RBFOX1: variants seen among roughly 807,000 people sequenced by gnomAD.
RBFOX1 encodes the protein RNA binding protein fox-1 homolog 1.
A neutral mutation model predicts 57.7 loss-of-function variants in RBFOX1; 8 were observed. That is an observed-to-expected ratio of 0.14 (90% CI 0.08 to 0.25). The LOEUF (loss-of-function observed/expected upper bound fraction) is 0.25, where lower values mean the gene tolerates loss of function less well. Among genes scored for constraint, RBFOX1 ranks in the 10% least tolerant of loss-of-function variants. RBFOX1 has a pLI of 1.00. For synonymous variants in RBFOX1, 326 were observed against 222.4 expected (o/e 1.47, Z -4.15); for missense variants, 611 against 548.5 (o/e 1.11, Z -1.14).
intron 1 of RBFOX1, among the ~76,000 whole-genome samples, chr16:6,179,385 G>C (rs940310686): frequency 6.6e-6 from 1 of 152,124 alleles, no homozygotes; most frequent in African/African-American, 2.4e-5. Context: ...TTTAGAGCTA[G>C]GTTTATCTGT....
chr16:7,657,374 G>T (rs898923848), intron 12 of RBFOX1, among the ~76,000 whole-genome samples: 1 of 152,094 alleles, frequency 6.6e-6, no homozygotes, highest in Non-Finnish European at 1.5e-5. Context: ...GCACGATCTC[G>T]ACTCACTGCA....
At chr16:7,068,575 C>CTATTAT (rs1265087732) in intron 4 of RBFOX1, among the ~76,000 whole-genome samples, 3 of 151,840 alleles carry the variant, frequency 2.0e-5, no homozygotes, top group Non-Finnish European at 2.9e-5. Flanking sequence ...CTCTTTGATA[C>CTATTAT]TATTATTATT....
In RBFOX1 at chr16:6,853,756, G is replaced by A. The variant is rs537887020; in HGVS notation, c.-15-198301G>A. Among the ~76,000 whole-genome samples, 22 of 152,274 alleles carry A rather than the reference G, an allele frequency of 1.4e-4. 1 individual carries two copies. Among genetic ancestry groups the A allele is most frequent in the South Asian group, 4.1e-4 (2 of 4,820 alleles). ...ATTGGGATAATGCGCCTCACTGTGC[G>A]TGGAGAGGAGCTGCACTCTGACCTC... On this transcript the variant is annotated intron_variant, in intron 3 of 15. Transcript: ENST00000550418.
At chr16:6,632,173 T>C (rs535169566) in intron 2 of RBFOX1, among the ~76,000 whole-genome samples, 21 of 152,250 alleles carry the variant, frequency 1.4e-4, no homozygotes, top group Admixed American at 5.9e-4. Flanking sequence ...TTCCTCCTCC[T>C]TGAAGACACT....
At position 6,676,354 on chromosome 16, in the gene RBFOX1, G is replaced by A. The variant is rs114552826; in HGVS notation, c.-16+21704G>A. On this transcript the variant is annotated intron_variant, in intron 3 of 15. Coordinates refer to ENST00000550418, the MANE Select transcript of RBFOX1 (RefSeq NM_018723.4). ...AGTCAATTTTGGGGAGTCATGAGCT[G>A]TTTCGTTTTTACAATGGCAGCGCCT... 1.9e-3 allele frequency among the ~76,000 whole-genome samples: 296 copies of A among 152,154 alleles called. 1 individual carries two copies. Among genetic ancestry groups the A allele is most frequent in the African/African-American group, 6.7e-3 (277 of 41,532 alleles).
chr16:5,673,551 G>A (rs747715064), intron 3 of RBFOX1, among the ~76,000 whole-genome samples: 2 of 152,174 alleles, frequency 1.3e-5, no homozygotes. Context: ...GTGTCACTGA[G>A]GCCAGACCTG....
At chr16:6,599,481 GAC>G (rs1489222631) in intron 2 of RBFOX1, among the ~76,000 whole-genome samples, 1 of 152,072 alleles carries the variant, frequency 6.6e-6, no homozygotes, top group African/African-American at 2.4e-5. Flanking sequence ...AATACTAAGC[GAC>G]ACACCTAAAG....
chr16:7,391,188 G>A (rs1208922129), intron 4 of RBFOX1, among the ~76,000 whole-genome samples: 1 of 152,262 alleles, frequency 6.6e-6, no homozygotes, highest in South Asian at 2.1e-4. Flanking sequence ...CACGTGACTG[G>A]CCCCACCTCC....
At chr16:6,682,285 G>A (rs969295786) in intron 3 of RBFOX1, among the ~76,000 whole-genome samples, 4 of 152,112 alleles carry the variant, frequency 2.6e-5, no homozygotes, top group African/African-American at 7.2e-5. Flanking sequence ...GCCTCCTCTG[G>A]AGGGATTGAG....
intron 3 of RBFOX1, among the ~76,000 whole-genome samples, chr16:6,888,796 A>G (rs180873071): frequency 4.2e-4 from 64 of 152,238 alleles, no homozygotes; most frequent in African/African-American, 1.5e-3. Flanking sequence ...ATTTCACCCT[A>G]TTGTGTTACC....
At chr16:7,695,765 A>C (rs1267246578) in intron 14 of RBFOX1, among the ~76,000 whole-genome samples, 3 of 152,066 alleles carry the variant, frequency 2.0e-5, no homozygotes, top group African/African-American at 7.2e-5. Flanking sequence ...GGTGTATTGA[A>C]TCCTGCTATC....
chr16:6,947,467 T>C (rs1006262993), intron 3 of RBFOX1, among the ~76,000 whole-genome samples: 1 of 152,170 alleles, frequency 6.6e-6, no homozygotes. Context: ...GCTGAGAACA[T>C]ATGTTCTTGG....
chr16:5,659,269 A>C (rs180923325), intron 3 of RBFOX1, among the ~76,000 whole-genome samples: 131 of 148,388 alleles, frequency 8.8e-4, no homozygotes, highest in African/African-American at 3.0e-3. Flanking sequence ...CTGATGTTGG[A>C]CATTTTTCTT....
Position 6,253,609 on chromosome 16 carries a change from AGATG to A in RBFOX1, c.-126-63366_-126-63363del, listed in dbSNP as rs71145204. Among the ~76,000 whole-genome samples, 85 of 33,130 alleles carry A rather than the reference AGATG, an allele frequency of 2.6e-3. 1 individual carries two copies. The highest frequency in any genetic ancestry group is 0.015 in the South Asian group (13 of 874). The allele number at this position is 33,130 out of a possible 152,430, so 21.7% of individuals were successfully genotyped here. ...GTTGATGATAGATAGATAGATGGAT[AGATG>A]GATGGATGGATGGATGGATAGATAG... On this transcript the variant is annotated intron_variant, in intron 1 of 15. Coordinates refer to ENST00000550418, the MANE Select transcript of RBFOX1 (RefSeq NM_018723.4).
intron 2 of RBFOX1, among the ~76,000 whole-genome samples, chr16:6,386,640 G>T (rs138809034): frequency 6.1e-4 from 93 of 152,316 alleles, no homozygotes; most frequent in Non-Finnish European, 1.0e-3. Flanking sequence ...GTCCCAAAGA[G>T]AGAAAAGAAG....
chr16:5,865,047 G>T (rs1355518169), intron 3 of RBFOX1, among the ~76,000 whole-genome samples: 28 of 152,142 alleles, frequency 1.8e-4, no homozygotes, highest in Admixed American at 1.8e-3. Context: ...GAATAAGAGG[G>T]GCTTGATGAT....
chr16:5,686,248 G>A (rs926492466), intron 3 of RBFOX1, among the ~76,000 whole-genome samples: 1 of 152,170 alleles, frequency 6.6e-6, no homozygotes, highest in African/African-American at 2.4e-5. Context: ...ACAGGTTGGG[G>A]TAAATGGAAC....
At chr16:6,679,518 T>C (rs2058290014) in intron 3 of RBFOX1, among the ~76,000 whole-genome samples, 1 of 152,156 alleles carries the variant, frequency 6.6e-6, no homozygotes, top group Admixed American at 6.5e-5. Context: ...CTGGATCACA[T>C]CTTACAGAGC....
intron 3 of RBFOX1, among the ~76,000 whole-genome samples, chr16:6,901,630 G>T (rs2068519618): frequency 6.6e-6 from 1 of 152,172 alleles, no homozygotes; most frequent in African/African-American, 2.4e-5. Context: ...TGCAAAATCT[G>T]TTTCTGGTAA....
Sources: gnomAD v4.1 joint callset for allele counts (sites outside exome capture counted in the v4.1 genomes callset) on GRCh38, gnomAD v4.1.1 for gene constraint, MANE v1.5 for transcripts, NCBI Gene and HGNC (gene_info 2026-07-23, HGNC 2026-07-21) for gene names.